DGKD: variants seen among roughly 807,000 people sequenced by gnomAD.
DGKD encodes DAG kinase delta.
In DGKD, 68 loss-of-function variants were observed where a neutral mutation model predicts 154.4. That is an observed-to-expected ratio of 0.44 (90% confidence interval 0.36 to 0.54). The LOEUF (loss-of-function observed/expected upper bound fraction) is 0.54. Among genes scored for constraint, DGKD ranks in the 20% least tolerant of loss-of-function variants. DGKD has a pLI of 0.00. For synonymous variants in DGKD, 693 were observed against 638.0 expected (o/e 1.09, Z -1.30); for missense variants, 1,343 against 1,593.6 (o/e 0.84, Z 2.68).
chr2:233,468,543 G>A lies in DGKD; in HGVS notation c.3545G>A (p.Arg1182Lys). Reference sequence around the variant, plus strand: ...TCTGAGCTCCTGCACCTGGAGCGGAGGGACCTCAAGGTACTTCCATAGGCG... The same window carrying A: ...TCTGAGCTCCTGCACCTGGAGCGGAAGGACCTCAAGGTACTTCCATAGGCG... ...RGSELLHLERRDLKDLGVTKV... is the reference protein window; with the variant it reads ...RGSELLHLERKDLKDLGVTKV... Residue 1182 changes from arginine (R) to lysine (K), a missense_variant, in exon 29 of 30, where the codon AGG becomes AAG. Arg to Lys is a conservative substitution (Grantham distance 26). This residue lies in a region of DGKD where 429 missense variants were observed against 496.3 expected (regional missense o/e 0.86). Coordinates refer to ENST00000264057, the MANE Select transcript of DGKD (RefSeq NM_152879.3). 6.2e-7 allele frequency: 1 copy of A among 1,613,660 alleles called. No homozygotes were observed. Among genetic ancestry groups the A allele is most frequent in the Non-Finnish European group, 8.5e-7 (1 of 1,179,952 alleles).
In DGKD at chr2:233,388,267, A is replaced by G; in HGVS notation, c.167A>G (p.Lys56Arg). ...SGQIRQKTII[K>R]EGMLTKQNNS... ...TTTCTGTACTTTCAGACCATCATCA[A>G]AGAGGGGATGCTGACCAAACAGAAC... is the stretch of plus-strand genomic sequence containing the variant. The change falls in exon 2 of 30, where the codon AAA becomes AGA. Residue 56 changes from lysine (K) to arginine (R), a missense_variant. Physicochemically the swap from Lys to Arg is conservative, Grantham distance 26. This residue lies in a region of DGKD where 332 missense variants were observed against 400.1 expected (regional missense o/e 0.83). Transcript: ENST00000264057. 1 of 1,613,298 alleles carries G rather than the reference A, an allele frequency of 6.2e-7. No homozygotes were observed. The highest frequency in any genetic ancestry group is 1.3e-5 in the African/African-American group (1 of 74,984).
chr2:233,463,066 G>T (rs2063702187), intron 26 of DGKD, among the ~76,000 whole-genome samples: 2 of 152,174 alleles, frequency 1.3e-5, no homozygotes, highest in Admixed American at 1.3e-4. Context: ...TCCATGCTCA[G>T]CCCTGCAAAA....
chr2:233,455,753 G>A (rs548470339), intron 19 of DGKD, among the ~76,000 whole-genome samples: 1 of 152,376 alleles, frequency 6.6e-6, no homozygotes, highest in South Asian at 2.1e-4. Context: ...CTGCCACCTT[G>A]CGGGGAGCCA....
Position 233,438,208 on chromosome 2 carries a change from T to C in DGKD, c.923-9T>C, listed in dbSNP as rs1245690235. 1 of 1,613,006 alleles carries C rather than the reference T, an allele frequency of 6.2e-7. No individual in the cohort carries two copies. The highest frequency in any genetic ancestry group is 1.7e-5 in the Admixed American group (1 of 59,886). On this transcript the variant is annotated splice_polypyrimidine_tract_variant and intron_variant, in intron 8 of 29. Transcript: ENST00000264057. The surrounding 1 kb of genome is among the most constrained non-coding windows in gnomAD (Gnocchi z 4.1). Reference sequence around the variant, plus strand: ...CTATATATTTTCTTCTGTTCGTTCTTGCGTCCAGGGTTCTGGAAGGCCAGC... The same window carrying C: ...CTATATATTTTCTTCTGTTCGTTCTCGCGTCCAGGGTTCTGGAAGGCCAGC...
chr2:233,408,927 T>A (rs1481759412), intron 3 of DGKD: 1 of 152,250 alleles, frequency 6.6e-6, no homozygotes, highest in Non-Finnish European at 1.5e-5. Context: ...AGGCAGCACC[T>A]GCTTCTGCAG....
intron 3 of DGKD, among the ~76,000 whole-genome samples, chr2:233,396,371 T>C (rs1347382224): frequency 1.3e-5 from 2 of 152,252 alleles, no homozygotes; most frequent in Non-Finnish European, 2.9e-5. Flanking sequence ...TCTTTGGGAA[T>C]TTGGCTCGTT....
chr2:233,457,634 A>C lies in DGKD; in HGVS notation c.2580+306A>C. Reference sequence around the variant, plus strand: ...GGCCAAGACCTGAAGGATGAGTTGGAGTTGGCTAAGTTAGGTGGGCAGAGG... The same window carrying C: ...GGCCAAGACCTGAAGGATGAGTTGGCGTTGGCTAAGTTAGGTGGGCAGAGG... On this transcript the variant is annotated intron_variant, in intron 21 of 29. Transcript: ENST00000264057. The surrounding 1 kb of genome is among the most constrained non-coding windows in gnomAD (Gnocchi z 5.5). 1.9e-6 allele frequency: 1 copy of C among 514,778 alleles called. No homozygotes were observed. Among genetic ancestry groups the C allele is most frequent in the South Asian group, 1.6e-5 (1 of 64,022 alleles). The allele number at this position is 514,778 out of a possible 1,614,324, so 31.9% of individuals were successfully genotyped here. A position where few individuals can be genotyped will look rare whatever the true frequency, so the allele number is the denominator to read the frequency against.
At chr2:233,415,310 G>A (rs755816476) in intron 3 of DGKD, among the ~76,000 whole-genome samples, 4 of 152,198 alleles carry the variant, frequency 2.6e-5, no homozygotes, top group Non-Finnish European at 5.9e-5. Flanking sequence ...GTACGTTAGG[G>A]TAGGGCATCT....
Position 233,445,483 on chromosome 2 carries a change from T to C in DGKD, c.1195-140T>C, listed in dbSNP as rs940311178. 1 of 1,178,806 alleles carries C rather than the reference T, an allele frequency of 8.5e-7. No individual in the cohort carries two copies. The highest frequency in any genetic ancestry group is 1.9e-5 in the South Asian group (1 of 51,528). The allele number at this position is 1,178,806 out of a possible 1,614,324, so 73.0% of individuals were successfully genotyped here. ...CCCCTCCAGTGGGCTCTGCCTGTAA[T>C]GTGTAAGCTGCGTGGTTTTAGGTCA... On this transcript the variant is annotated intron_variant, in intron 10 of 29. Coordinates refer to ENST00000264057, the MANE Select transcript of DGKD (RefSeq NM_152879.3). This position sits in a 1 kb window ranked among gnomAD's most constrained non-coding sequence, Gnocchi z 5.5.
At chr2:233,402,242 A>T (rs972003777) in intron 3 of DGKD, among the ~76,000 whole-genome samples, 1 of 152,200 alleles carries the variant, frequency 6.6e-6, no homozygotes, top group African/African-American at 2.4e-5. Flanking sequence ...GCCATGCCCG[A>T]GCACCTTTTG....
At chr2:233,450,357 C>A (rs1214471354) in intron 16 of DGKD, among the ~76,000 whole-genome samples, 7 of 152,116 alleles carry the variant, frequency 4.6e-5, no homozygotes, top group Non-Finnish European at 1.0e-4. Context: ...CCCGCGAGAC[C>A]CCCTCCATCA....
intron 14 of DGKD, 134 bp from the exon 15 acceptor site, chr2:233,448,969 A>ACTT: frequency 8.8e-7 from 1 of 1,136,786 alleles, no homozygotes; most frequent in Middle Eastern, 3.1e-4. Flanking sequence ...TCTTTTTGTT[A>ACTT]CTTAGGCGTG....
chr2:233,445,977 G>A lies in DGKD; in HGVS notation c.1334+215G>A, dbSNP rs891833493. Among the ~76,000 whole-genome samples, 7 of 152,236 alleles carry A rather than the reference G, an allele frequency of 4.6e-5. No individual in the cohort carries two copies. Among genetic ancestry groups the A allele is most frequent in the Admixed American group, 6.5e-5 (1 of 15,288 alleles). ...AGGTTAAGAACCAGCCATGCCCTAG[G>A]ATGATCCAGTCTTCCCAGAAGGCCA... On this transcript the variant is annotated intron_variant, in intron 11 of 29. Transcript: ENST00000264057. The surrounding 1 kb of genome is among the most constrained non-coding windows in gnomAD (Gnocchi z 5.5).
At chr2:233,373,974 A>G (rs1702447917) in intron 1 of DGKD, among the ~76,000 whole-genome samples, 1 of 152,092 alleles carries the variant, frequency 6.6e-6, no homozygotes, top group African/African-American at 2.4e-5. Flanking sequence ...AAGTTATTGA[A>G]TAATTTGTAC....
In DGKD at chr2:233,437,545, C is replaced by T. The variant is rs1289170978; in HGVS notation, c.922+66C>T. The T allele has an allele frequency of 3.4e-6, 5 of 1,466,732 alleles. No homozygotes were observed. In the Admixed American group the frequency reaches 7.1e-5, roughly 21 times the overall value. 90.9% of individuals were successfully genotyped at this position (1,466,732 alleles called of 1,614,324 possible). ...ACGCTTCCTTCTCCACGCACTTTCT[C>T]TTCTCCAGCTCTGGAGTTGGTTATC... On this transcript the variant is annotated intron_variant, in intron 8 of 29. Coordinates refer to ENST00000264057, the MANE Select transcript of DGKD (RefSeq NM_152879.3).
intron 4 of DGKD, 70 bp from the exon 5 acceptor site, chr2:233,434,699 G>C (rs1459236457): frequency 1.3e-6 from 2 of 1,572,854 alleles, no homozygotes; most frequent in African/African-American, 2.7e-5. Context: ...GTTTAATCTT[G>C]TCCAAGTTAC....
chr2:233,411,552 ACTT>A (rs1262773747), intron 3 of DGKD, among the ~76,000 whole-genome samples: 4 of 151,924 alleles, frequency 2.6e-5, no homozygotes, highest in Non-Finnish European at 4.4e-5. Context: ...GAGTTGTAAG[ACTT>A]CTTTATGTAT....
intron 3 of DGKD, among the ~76,000 whole-genome samples, chr2:233,428,569 G>A (rs932276943): frequency 6.6e-5 from 10 of 152,192 alleles, no homozygotes; most frequent in Non-Finnish European, 1.0e-4. Context: ...GCTAGGATGC[G>A]ACACTGCTCT....
At chr2:233,436,580 G>T in intron 7 of DGKD, 139 bp downstream of exon 7, 1 of 1,240,004 alleles carries the variant, frequency 8.1e-7, no homozygotes, top group Non-Finnish European at 1.1e-6. Context: ...GTGGGTTTTT[G>T]AACTGTTGGG....
Sources: gnomAD v4.1 joint callset for allele counts (sites outside exome capture counted in the v4.1 genomes callset) on GRCh38, gnomAD v4.1.1 for gene constraint, gnomAD v4.1.1 regional missense constraint, Gnocchi (gnomAD v3.1) non-coding constraint, MANE v1.5 for transcripts, NCBI Gene and HGNC (gene_info 2026-07-23, HGNC 2026-07-21) for gene names.